The following BCAS3 variants were observed in gnomAD, a reference collection of about 807,000 sequenced individuals.
The protein encoded by BCAS3 is BCAS4/BCAS3 fusion.
A neutral mutation model predicts 116.1 loss-of-function variants in BCAS3; 53 were observed. The observed-to-expected ratio is 0.46, with a 90% CI of 0.37 to 0.57. BCAS3 has a LOEUF of 0.57. Among genes scored for constraint, BCAS3 ranks in the 20% least tolerant of loss-of-function variants. BCAS3 has a pLI of 0.00. For synonymous variants in BCAS3, 391 were observed against 408.2 expected (o/e 0.96, Z 0.51); for missense variants, 917 against 1,165.4 (o/e 0.79, Z 3.10).
chr17:60,953,152 T>G (rs937619824), intron 14 of BCAS3, among the ~76,000 whole-genome samples: 3 of 152,152 alleles, frequency 2.0e-5, no homozygotes, highest in Non-Finnish European at 4.4e-5. Flanking sequence ...TGTGCTGGGT[T>G]GAATGGCAAT....
intron 7 of BCAS3, among the ~76,000 whole-genome samples, chr17:60,826,260 T>G (rs1327900806): frequency 2.0e-5 from 3 of 152,080 alleles, no homozygotes; most frequent in Non-Finnish European, 4.4e-5. Flanking sequence ...CTCGTCTTAC[T>G]GCGGCCTTCA....
intron 7 of BCAS3, among the ~76,000 whole-genome samples, chr17:60,867,441 GT>G (rs1162399359): frequency 2.6e-5 from 4 of 152,060 alleles, no homozygotes; most frequent in African/African-American, 9.6e-5. Context: ...TATTCTTCTT[GT>G]GTAGATATAT....
intron 13 of BCAS3, among the ~76,000 whole-genome samples, chr17:60,942,038 A>G (rs2060249409): frequency 6.6e-6 from 1 of 150,670 alleles, no homozygotes; most frequent in Admixed American, 6.6e-5. Context: ...TGGATTTATG[A>G]TCATTCAAAC....
Position 60,995,790 on chromosome 17 carries a change from C to G in BCAS3, c.1486+5555C>G, listed in dbSNP as rs930932498. 6.6e-6 allele frequency among the ~76,000 whole-genome samples: 1 copy of G among 152,028 alleles called. No homozygotes were observed. The highest frequency in any genetic ancestry group is 2.4e-5 in the African/African-American group (1 of 41,388). Reference sequence around the variant, plus strand: ...GTGTTTATTGTGTCCAGGCACTGTTCTGAGTTTAGGAATTTAGCAGTGAAC... The same window carrying G: ...GTGTTTATTGTGTCCAGGCACTGTTGTGAGTTTAGGAATTTAGCAGTGAAC... On this transcript the variant is annotated intron_variant, in intron 15 of 23. Transcript: ENST00000407086. The surrounding 1 kb of genome is among the most constrained non-coding windows in gnomAD (Gnocchi z 4.7).
intron 4 of BCAS3, among the ~76,000 whole-genome samples, chr17:60,699,055 C>T (rs1389579512): frequency 6.6e-6 from 1 of 151,936 alleles, no homozygotes; most frequent in Non-Finnish European, 1.5e-5. Context: ...GAGACTCCGT[C>T]TCAAAGAAAA....
chr17:61,044,465 A>AAAAAAAAAAATAT, intron 19 of BCAS3, among the ~76,000 whole-genome samples: 2 of 120,126 alleles, frequency 1.7e-5, no homozygotes, highest in African/African-American at 1.0e-4. Context: ...AAAAAAAAAA[A>AAAAAAAAAAATAT]ATATATATAT....
intron 19 of BCAS3, among the ~76,000 whole-genome samples, chr17:61,052,715 CTTT>C (rs60772345): frequency 1.6e-5 from 2 of 124,946 alleles, no homozygotes; most frequent in Non-Finnish European, 3.4e-5. Flanking sequence ...TTCTTTCTTT[CTTT>C]TTTTTTTTTT....
chr17:60,834,545 A>G (rs939469701), intron 7 of BCAS3, among the ~76,000 whole-genome samples: 2 of 152,022 alleles, frequency 1.3e-5, no homozygotes, highest in African/African-American at 4.8e-5. Context: ...ACTAATCTAC[A>G]TTGGTAGATT....
chr17:60,716,619 T>A (rs1434449980), intron 5 of BCAS3, among the ~76,000 whole-genome samples: 1 of 151,348 alleles, frequency 6.6e-6, no homozygotes, highest in Non-Finnish European at 1.5e-5. Context: ...AAATTAGGGC[T>A]GAAACAGGGG....
intron 22 of BCAS3, among the ~76,000 whole-genome samples, chr17:61,193,485 C>T (rs905233948): frequency 1.3e-5 from 2 of 151,838 alleles, no homozygotes; most frequent in Non-Finnish European, 2.9e-5. Flanking sequence ...TGGCCAGGTG[C>T]GGTGGCTCAC....
At chr17:61,109,056 C>T (rs557708803) in intron 22 of BCAS3, among the ~76,000 whole-genome samples, 27 of 151,988 alleles carry the variant, frequency 1.8e-4, no homozygotes, top group South Asian at 4.2e-4. Flanking sequence ...CGTGGTAGTA[C>T]ATGCCTGTAA....
At chr17:60,754,396 A>G (rs113672431) in intron 6 of BCAS3, among the ~76,000 whole-genome samples, 1 of 151,874 alleles carries the variant, frequency 6.6e-6, no homozygotes, top group African/African-American at 2.4e-5. Context: ...TCTGTCACCC[A>G]GGCTGGAGTG....
Position 61,151,856 on chromosome 17 carries a change from ACTC to A in BCAS3, c.2425+67298_2425+67300del, listed in dbSNP as rs2077558804. On this transcript the variant is annotated intron_variant, in intron 22 of 23. Coordinates refer to ENST00000407086, the MANE Select transcript of BCAS3 (RefSeq NM_017679.5). The surrounding 1 kb of genome is among the most constrained non-coding windows in gnomAD (Gnocchi z 4.8). ...TAGACCACAGGCTTTTCATGCCAATACTCCTCCTGCAAACGTGAATGTTCCTAA... is the reference window on the plus strand; with the variant it reads ...TAGACCACAGGCTTTTCATGCCAATACTCCTGCAAACGTGAATGTTCCTAA... Among the ~76,000 whole-genome samples, 4 of 151,958 alleles carry A rather than the reference ACTC, an allele frequency of 2.6e-5. No homozygotes were observed. The highest frequency in any genetic ancestry group is 9.7e-5 in the African/African-American group (4 of 41,366).
chr17:60,893,106 G>GT (rs928133478), intron 10 of BCAS3, among the ~76,000 whole-genome samples: 41 of 151,672 alleles, frequency 2.7e-4, no homozygotes, highest in African/African-American at 9.7e-4. Context: ...ATTGGAGTTT[G>GT]TTTTTTTCTT....
chr17:61,114,840 T>C (rs2075322160), intron 22 of BCAS3, among the ~76,000 whole-genome samples: 1 of 150,424 alleles, frequency 6.6e-6, no homozygotes, highest in Non-Finnish European at 1.5e-5. Flanking sequence ...CTTCAAACTA[T>C]ACTACAAGGC....
At chr17:61,340,536 G>A (rs981888134) in intron 22 of BCAS3, among the ~76,000 whole-genome samples, 2 of 152,204 alleles carry the variant, frequency 1.3e-5, no homozygotes, top group Non-Finnish European at 2.9e-5. Flanking sequence ...CTGGAGGGCA[G>A]CATTAAAGGT....
intron 6 of BCAS3, among the ~76,000 whole-genome samples, chr17:60,791,655 C>A (rs183389501): frequency 6.6e-6 from 1 of 152,096 alleles, no homozygotes; most frequent in African/African-American, 2.4e-5. Context: ...AAAACAGACA[C>A]AAGAAATGCT....
At chr17:60,934,761 C>T (rs1241308648) in intron 13 of BCAS3, among the ~76,000 whole-genome samples, 1 of 152,150 alleles carries the variant, frequency 6.6e-6, no homozygotes, top group Non-Finnish European at 1.5e-5. Flanking sequence ...GATATATATT[C>T]ATTTCAAAGA....
chr17:60,815,695 G>A (rs540915350), intron 7 of BCAS3, among the ~76,000 whole-genome samples: 1 of 152,152 alleles, frequency 6.6e-6, no homozygotes, highest in African/African-American at 2.4e-5. Flanking sequence ...CTGAAATAAT[G>A]GAAAGAGTAG....
Sources: gnomAD v4.1 joint callset for allele counts (sites outside exome capture counted in the v4.1 genomes callset) on GRCh38, gnomAD v4.1.1 for gene constraint, Gnocchi (gnomAD v3.1) non-coding constraint, MANE v1.5 for transcripts, NCBI Gene and HGNC (gene_info 2026-07-23, HGNC 2026-07-21) for gene names.